The following ECE1 variants were observed in gnomAD, a reference collection of about 807,000 sequenced individuals.
ECE1 encodes endothelin-converting enzyme 1.
A neutral mutation model predicts 98.6 loss-of-function variants in ECE1; 35 were observed. The ratio of observed to expected loss-of-function variants is 0.35; its 90% CI spans 0.27 to 0.47. The LOEUF (loss-of-function observed/expected upper bound fraction) is 0.47. Ranked by LOEUF, ECE1 falls within the 20% of genes least tolerant of loss-of-function variation. The pLI, the probability that ECE1 is intolerant of heterozygous loss-of-function variation, is 1.00. For missense variants in ECE1, 814 were observed against 1,025.3 expected (o/e 0.79, Z 2.81); for synonymous variants, 394 against 407.1 (o/e 0.97, Z 0.39).
chr1:21,312,122 CAA>C (rs34057869), intron 1 of ECE1, among the ~76,000 whole-genome samples: 19,443 of 113,788 alleles, frequency 0.17, 1,375 homozygotes, highest in East Asian at 0.4. Context: ...GATTCTGTCT[CAA>C]AAAAAAAAAA....
At position 21,219,958 on chromosome 1, in the gene ECE1, C is replaced by A. The variant is rs1043466955; in HGVS notation, c.2310G>T (p.Trp770Cys). 6.2e-7 allele frequency: 1 copy of A among 1,614,248 alleles called. No individual in the cohort carries two copies. Among genetic ancestry groups the A allele is most frequent in the South Asian group, 1.1e-5 (1 of 91,092 alleles). Residue 770 changes from tryptophan (W) to cysteine (C), a missense_variant, in exon 19 of 19, where the codon TGG (tryptophan) becomes TGT (cysteine). By Grantham distance (215) the Trp-to-Cys change is radical (BLOSUM62 -2). Around this residue, in one of 3 missense-constraint regions of ECE1, gnomAD observed 452 missense variants for 567.3 expected, o/e 0.80. Transcript: ENST00000374893. This position sits in a 1 kb window ranked among gnomAD's most constrained non-coding sequence, Gnocchi z 4.5. ...CTTGGCTCTCTCCGCTTCGTCCTTACCAGACTTCGCACTTGTGAGGCGGGT... is the reference window on the plus strand; with the variant it reads ...CTTGGCTCTCTCCGCTTCGTCCTTAACAGACTTCGCACTTGTGAGGCGGGT... ...PMNPPHKCEV[W>C]
At chr1:21,344,378 A>G (rs897025895) in intron 1 of ECE1, among the ~76,000 whole-genome samples, 4 of 152,178 alleles carry the variant, frequency 2.6e-5, no homozygotes, top group Non-Finnish European at 5.9e-5. Context: ...TCAGCCCTAC[A>G]TGGTGACTTT....
At chr1:21,223,013 C>T (rs1484571740) in intron 17 of ECE1, among the ~76,000 whole-genome samples, 1 of 151,902 alleles carries the variant, frequency 6.6e-6, no homozygotes, top group East Asian at 1.9e-4. Flanking sequence ...GTCTTACTGT[C>T]ACCCAGGCTG....
chr1:21,275,508 T>C (rs2098245461), intron 3 of ECE1, among the ~76,000 whole-genome samples: 1 of 152,116 alleles, frequency 6.6e-6, no homozygotes, highest in African/African-American at 2.4e-5. Flanking sequence ...GGCAGGAGAA[T>C]CTTTTGAACC....
chr1:21,331,763 T>C (rs1639205242), intron 1 of ECE1, among the ~76,000 whole-genome samples: 2 of 152,072 alleles, frequency 1.3e-5, no homozygotes, highest in African/African-American at 4.8e-5. Context: ...GATGTGAAGA[T>C]TAAGTAAATT....
At chr1:21,257,612 A>T (rs1184022353) in intron 6 of ECE1, 22 bp from the exon 7 acceptor site, 1 of 1,613,886 alleles carries the variant, frequency 6.2e-7, no homozygotes, top group African/African-American at 1.3e-5. Flanking sequence ...AGCAGGCATG[A>T]GAGGGAATTC....
chr1:21,231,757 C>A (rs977830439), intron 14 of ECE1, among the ~76,000 whole-genome samples: 2 of 152,120 alleles, frequency 1.3e-5, no homozygotes, highest in African/African-American at 4.8e-5. Flanking sequence ...TGGGCTCAAG[C>A]GCATGCTACC....
intron 1 of ECE1, among the ~76,000 whole-genome samples, chr1:21,332,700 G>C (rs1186369002): frequency 1.9e-5 from 1 of 52,788 alleles, no homozygotes; most frequent in Non-Finnish European, 3.7e-5. Context: ...GGAGAGGGGA[G>C]AGGAGGTGAG....
upstream of ECE1, among the ~76,000 whole-genome samples, chr1:21,293,069 GGATTCACCCGGCTGGT>G (rs1638249998): frequency 6.6e-6 from 1 of 152,180 alleles, no homozygotes; most frequent in African/African-American, 2.4e-5. Context: ...GTGGTGTAAG[GGATTCACCCGGCTGGT>G]GTACGGGATT....
intron 9 of ECE1, 67 bp from the exon 10 acceptor site, chr1:21,245,170 G>A: frequency 2.8e-6 from 4 of 1,422,990 alleles, no homozygotes; most frequent in Non-Finnish European, 2.9e-6. Flanking sequence ...CCCTTCCCCT[G>A]CTGGCCCCTA....
intron 9 of ECE1, among the ~76,000 whole-genome samples, chr1:21,246,182 G>A (rs912354103): frequency 2.0e-5 from 3 of 151,878 alleles, no homozygotes; most frequent in African/African-American, 4.8e-5. Context: ...TATTTTTTTG[G>A]TAGTTTTCAA....
intron 1 of ECE1, among the ~76,000 whole-genome samples, chr1:21,314,949 T>C (rs977585554): frequency 6.6e-6 from 1 of 152,212 alleles, no homozygotes; most frequent in African/African-American, 2.4e-5. Context: ...CCAGATGAAA[T>C]GTCATCTCCT....
intron 10 of ECE1, among the ~76,000 whole-genome samples, chr1:21,243,874 C>T (rs1311323921): frequency 6.6e-6 from 1 of 152,174 alleles, no homozygotes; most frequent in Admixed American, 6.5e-5. Context: ...CTGGTGGTGC[C>T]CTTGGAAGTG....
At position 21,340,090 on chromosome 1, in the gene ECE1, A is replaced by T. The variant is rs1208811727; in HGVS notation, c.3+5286T>A. ...CCAAGTGTTAACACCTCTTCTGGGA[A>T]GGCTTCCCTGATACACACCTATGGG... On this transcript the variant is annotated intron_variant, in intron 1 of 18. Transcript: ENST00000415912. This position sits in a 1 kb window ranked among gnomAD's most constrained non-coding sequence, Gnocchi z 4.6. 1.3e-5 allele frequency among the ~76,000 whole-genome samples: 2 copies of T among 152,238 alleles called. No homozygotes were observed. Among genetic ancestry groups the T allele is most frequent in the East Asian group, 3.8e-4 (2 of 5,204 alleles).
intron 7 of ECE1, 65 bp from the exon 8 acceptor site, chr1:21,256,203 T>TG: frequency 3.3e-6 from 5 of 1,529,356 alleles, no homozygotes; most frequent in East Asian, 2.3e-5. Flanking sequence ...CGAGAGTTGG[T>TG]GGGGGGCTTG....
At chr1:21,301,827 GAAAAA>G (rs34861827) in intron 1 of ECE1, among the ~76,000 whole-genome samples, 12 of 33,938 alleles carry the variant, frequency 3.5e-4, no homozygotes, top group South Asian at 1.2e-3. Context: ...CCCTGTCTCA[GAAAAA>G]AAAAAAAAAA....
rs541099526 is a variant in ECE1, at chr1:21,304,098, G to A, written c.4-13942C>T. Among the ~76,000 whole-genome samples, 8 of 150,852 alleles carry A rather than the reference G, an allele frequency of 5.3e-5. No individual in the cohort carries two copies. In the South Asian group the frequency reaches 1.3e-3, roughly 24 times the overall value. ...TGGGAGGCTGAGGCAGGCGGATCAC[G>A]AGGTCAGCAGATCGAGACCATCCTG... On this transcript the variant is annotated intron_variant, in intron 1 of 18. Transcript: ENST00000415912.
At chr1:21,329,544 A>G (rs1639150574) in intron 1 of ECE1, among the ~76,000 whole-genome samples, 1 of 152,206 alleles carries the variant, frequency 6.6e-6, no homozygotes, top group Non-Finnish European at 1.5e-5. Context: ...CACCTTTCTC[A>G]TGCTTAAAAC....
intron 9 of ECE1, among the ~76,000 whole-genome samples, chr1:21,245,482 G>A (rs539448349): frequency 2.3e-4 from 35 of 152,042 alleles, no homozygotes; most frequent in African/African-American, 6.3e-4. Flanking sequence ...GCTTGGAGGT[G>A]CCCCAGCCAG....
Sources: gnomAD v4.1 joint callset for allele counts (sites outside exome capture counted in the v4.1 genomes callset) on GRCh38, gnomAD v4.1.1 for gene constraint, gnomAD v4.1.1 regional missense constraint, Gnocchi (gnomAD v3.1) non-coding constraint, MANE v1.5 for transcripts, NCBI Gene and HGNC (gene_info 2026-07-23, HGNC 2026-07-21) for gene names.